OR5AN1: variants seen among roughly 807,000 people sequenced by gnomAD.
The protein encoded by OR5AN1 is olfactory receptor family 5 subfamily AN member 1.
For synonymous variants in OR5AN1, 167 were observed against 131.8 expected, an observed-to-expected ratio of 1.27 and a Z score of -1.83; for missense variants, 476 against 368.9, an observed-to-expected ratio of 1.29 and a Z score of -2.38.
chr11:59,363,664 G>A (rs899878920), intron 1 of OR5AN1, among the ~76,000 whole-genome samples: 18 of 152,224 alleles, frequency 1.2e-4, no homozygotes, highest in Admixed American at 4.6e-4. Context: ...TTTCTAAAGG[G>A]TAAAATAAAA....
rs1857562731 is a variant in OR5AN1, at chr11:59,368,761, G to A, written c.*3367G>A. 6.6e-6 allele frequency: 1 copy of A among 152,248 alleles called. No individual in the cohort carries two copies. Among genetic ancestry groups the A allele is most frequent in the African/African-American group, 2.4e-5 (1 of 41,432 alleles). 9.4% of individuals were successfully genotyped at this position (152,248 alleles called of 1,614,324 possible). ...CTTCCACTGCTGTCTCTAAGCTGGG[G>A]AAGGAACGTAAACACAAAGATCTCC... On this transcript the variant is annotated 3_prime_UTR_variant, in exon 2 of 2. Transcript: ENST00000641998.
In OR5AN1 at chr11:59,366,668, T is replaced by C. The variant is rs946169721; in HGVS notation, c.*1274T>C. 3 of 152,244 alleles carry C rather than the reference T, an allele frequency of 2.0e-5. No homozygotes were observed. Among genetic ancestry groups the C allele is most frequent in the African/African-American group, 7.2e-5 (3 of 41,456 alleles). 9.4% of individuals were successfully genotyped at this position (152,244 alleles called of 1,614,324 possible). ...TCTCATTTGTAAAATTGAGATATTA[T>C]ATATCTATTTTGGAGTTGTTTAGGA... is the stretch of plus-strand genomic sequence containing the variant. On this transcript the variant is annotated 3_prime_UTR_variant, in exon 2 of 2. Coordinates refer to ENST00000641998, the MANE Select transcript of OR5AN1 (RefSeq NM_001004729.2).
At chr11:59,360,297 T>C (rs1414956256) in intron 1 of OR5AN1, among the ~76,000 whole-genome samples, 2 of 152,264 alleles carry the variant, frequency 1.3e-5, no homozygotes, top group Non-Finnish European at 2.9e-5. Context: ...GTTATATTCA[T>C]GTTTGGGGGA....
Position 59,365,162 on chromosome 11 carries a change from G to C in OR5AN1, c.704G>C (p.Arg235Thr). The change falls in exon 2 of 2, where the codon AGG becomes ACG. Residue 235 changes from arginine (R) to threonine (T), a missense_variant. Arg to Thr is a moderately conservative substitution (Grantham distance 71). Transcript: ENST00000641998. Reference protein sequence around the residue: ...SIMKITSAKGRSKAFNTCASH... With the variant: ...SIMKITSAKGTSKAFNTCASH... Reference sequence around the variant, plus strand: ...ATGAAGATCACTTCAGCTAAAGGCAGGTCCAAGGCATTCAACACCTGTGCT... The same window carrying C: ...ATGAAGATCACTTCAGCTAAAGGCACGTCCAAGGCATTCAACACCTGTGCT... 1.2e-6 allele frequency: 2 copies of C among 1,613,994 alleles called. No homozygotes were observed. The highest frequency in any genetic ancestry group is 1.7e-6 in the Non-Finnish European group (2 of 1,179,958).
In OR5AN1 at chr11:59,368,953, A is replaced by G. The variant is rs1429917955; in HGVS notation, c.*3559A>G. On this transcript the variant is annotated 3_prime_UTR_variant, in exon 2 of 2. Transcript: ENST00000641998. ...ACAAGAGTCTTCCAGCTGTCCTGTA[A>G]GCCTAGGTATCACCTACTGAATCAC... is the stretch of plus-strand genomic sequence containing the variant. The G allele has an allele frequency of 6.6e-6, 1 of 152,192 alleles. No individual in the cohort carries two copies. Among genetic ancestry groups the G allele is most frequent in the Non-Finnish European group, 1.5e-5 (1 of 68,050 alleles). 9.4% of individuals were successfully genotyped at this position (152,192 alleles called of 1,614,324 possible).
chr11:59,364,127 A>G (rs927621549), intron 1 of OR5AN1, among the ~76,000 whole-genome samples: 3 of 152,160 alleles, frequency 2.0e-5, no homozygotes, highest in African/African-American at 7.2e-5. Flanking sequence ...TTGAAGAAAA[A>G]CTATTATCTT....
At position 59,364,574 on chromosome 11, in the gene OR5AN1, C is replaced by A. The variant is rs777894055; in HGVS notation, c.116C>A (p.Ser39Tyr). Reference protein sequence around the residue: ...FTIFLVIYITSLAWNLSLIVL... With the variant: ...FTIFLVIYITYLAWNLSLIVL... ...ATATTCCTGGTGATCTACATTACAT[C>A]TCTGGCCTGGAACCTCTCCCTCATT... Residue 39 changes from serine to tyrosine, a missense_variant, in exon 2 of 2, where the codon TCT (serine) becomes TAT (tyrosine). Coordinates refer to ENST00000641998, the MANE Select transcript of OR5AN1 (RefSeq NM_001004729.2). 1.9e-6 allele frequency: 3 copies of A among 1,613,916 alleles called. No individual in the cohort carries two copies. Among genetic ancestry groups the A allele is most frequent in the Non-Finnish European group, 2.5e-6 (3 of 1,179,876 alleles).
At chr11:59,363,256 C>A (rs372132999) in intron 1 of OR5AN1, among the ~76,000 whole-genome samples, 31 of 152,130 alleles carry the variant, frequency 2.0e-4, no homozygotes, top group African/African-American at 7.5e-4. Context: ...TTCCCAGTAA[C>A]CTGGGAAGTT....
At position 59,359,036 on chromosome 11, in the gene OR5AN1, C is replaced by G. The variant is rs1461322595; in HGVS notation, c.-250C>G. On this transcript the variant is annotated 5_prime_UTR_variant, in exon 1 of 2. Coordinates refer to ENST00000641998, the MANE Select transcript of OR5AN1 (RefSeq NM_001004729.2). ...CAAGAACCCTGTCTTCTTGGAGGAC[C>G]TGGGTAAAGGTCACAGGACAAGACT... 1 of 152,152 alleles carries G rather than the reference C, an allele frequency of 6.6e-6. No individual in the cohort carries two copies. The highest frequency in any genetic ancestry group is 2.4e-5 in the African/African-American group (1 of 41,424). The allele number at this position is 152,152 out of a possible 1,614,324, so 9.4% of individuals were successfully genotyped here.
rs80306590 is a variant in OR5AN1, at chr11:59,360,998, T to C, written c.-14+1726T>C. ...TTAAGTAACCAAACGTCTCTACTTA[T>C]AGGTGTGCTCTGTATAGTCAGCTTT... On this transcript the variant is annotated intron_variant, in intron 1 of 1. Coordinates refer to ENST00000641998, the MANE Select transcript of OR5AN1 (RefSeq NM_001004729.2). 1.9e-4 allele frequency among the ~76,000 whole-genome samples: 29 copies of C among 152,356 alleles called. No individual in the cohort carries two copies. In the East Asian group the frequency reaches 5.2e-3, roughly 27 times the overall value.
At chr11:59,361,310 C>T (rs1857459490) in intron 1 of OR5AN1, among the ~76,000 whole-genome samples, 1 of 152,058 alleles carries the variant, frequency 6.6e-6, no homozygotes, top group Non-Finnish European at 1.5e-5. Flanking sequence ...TTTGAGGAGT[C>T]TCGCTCTGTT....
Position 59,363,397 on chromosome 11 carries a change from A to G in OR5AN1, c.-13-1049A>G, listed in dbSNP as rs146761637. On this transcript the variant is annotated intron_variant, in intron 1 of 1. Transcript: ENST00000641998. ...AGTCTGAACCCTTAGCCACATTACT[A>G]TGCTGTTTCCCAGATACTCTAAAAT... 2.0e-4 allele frequency among the ~76,000 whole-genome samples: 30 copies of G among 152,306 alleles called. No individual in the cohort carries two copies. The East Asian group carries it at 5.2e-3, about 26-fold the overall frequency.
At position 59,365,843 on chromosome 11, in the gene OR5AN1, A is replaced by G. The variant is rs1485294834; in HGVS notation, c.*449A>G. ...GCATAATAAAGACATGGTGGTAACC[A>G]TTGTTTATTCTGTGTTTCTGGATGG... On this transcript the variant is annotated 3_prime_UTR_variant, in exon 2 of 2. Coordinates refer to ENST00000641998, the MANE Select transcript of OR5AN1 (RefSeq NM_001004729.2). 6.5e-6 allele frequency: 1 copy of G among 154,232 alleles called. No individual in the cohort carries two copies. The highest frequency in any genetic ancestry group is 1.4e-5 in the Non-Finnish European group (1 of 69,590). The allele number at this position is 154,232 out of a possible 1,614,324, so 9.6% of individuals were successfully genotyped here. A position where few individuals can be genotyped will look rare whatever the true frequency, so the allele number is the denominator to read the frequency against.
In OR5AN1 at chr11:59,366,497, T is replaced by C. The variant is rs1463980241; in HGVS notation, c.*1103T>C. The C allele has an allele frequency of 6.6e-6, 1 of 152,180 alleles. No individual in the cohort carries two copies. Among genetic ancestry groups the C allele is most frequent in the Non-Finnish European group, 1.5e-5 (1 of 68,042 alleles). 9.4% of individuals were successfully genotyped at this position (152,180 alleles called of 1,614,324 possible). ...GTCAGCACTGGATTTTGCAGTTTGT[T>C]ATACAGCAGTAGTTAACCAATATAC... On this transcript the variant is annotated 3_prime_UTR_variant, in exon 2 of 2. Transcript: ENST00000641998.
chr11:59,364,548 T>C lies in OR5AN1; in HGVS notation c.90T>C (p.Thr30=), dbSNP rs1223388407. The C allele has an allele frequency of 6.2e-7, 1 of 1,613,896 alleles. No individual in the cohort carries two copies. The highest frequency in any genetic ancestry group is 8.5e-7 in the Non-Finnish European group (1 of 1,179,820). ...CCAGGATCATAAAAGTGCTCTTCAC[T>C]ATATTCCTGGTGATCTACATTACAT... is the stretch of plus-strand genomic sequence containing the variant. The part of the protein sequence containing the change: ...DFPRIIKVLF[T]IFLVIYITSL... Residue 30 remains threonine (T), a synonymous_variant, in exon 2 of 2, where the codon ACT becomes ACC. Coordinates refer to ENST00000641998, the MANE Select transcript of OR5AN1 (RefSeq NM_001004729.2).
chr11:59,370,571 T>A lies in OR5AN1; in HGVS notation c.*5177T>A, dbSNP rs1410428717. On this transcript the variant is annotated 3_prime_UTR_variant, in exon 2 of 2. Coordinates refer to ENST00000641998, the MANE Select transcript of OR5AN1 (RefSeq NM_001004729.2). Reference sequence around the variant, plus strand: ...TGGAAACTAAAAGTTGATTATGAAATTAATACAGAAAAGAGCAAAGTATAT... The same window carrying A: ...TGGAAACTAAAAGTTGATTATGAAAATAATACAGAAAAGAGCAAAGTATAT... 1 of 152,210 alleles carries A rather than the reference T, an allele frequency of 6.6e-6. No individual in the cohort carries two copies. Among genetic ancestry groups the A allele is most frequent in the Non-Finnish European group, 1.5e-5 (1 of 68,038 alleles). 9.4% of individuals were successfully genotyped at this position (152,210 alleles called of 1,614,324 possible). A position where few individuals can be genotyped will look rare whatever the true frequency, so the allele number is the denominator to read the frequency against.
Position 59,364,899 on chromosome 11 carries a change from G to A in OR5AN1, c.441G>A (p.Leu147=). 6.2e-7 allele frequency: 1 copy of A among 1,614,022 alleles called. No homozygotes were observed. The highest frequency in any genetic ancestry group is 8.5e-7 in the Non-Finnish European group (1 of 1,179,978). The change falls in exon 2 of 2, where the codon CTG becomes CTA. Residue 147 remains leucine (L), a synonymous_variant. Coordinates refer to ENST00000641998, the MANE Select transcript of OR5AN1 (RefSeq NM_001004729.2). ...CCACCCTCTGTGTTTGGATGGTACT[G>A]GGAGCCTACATGACTGGCCTCACTG... ...MSPTLCVWMV[L]GAYMTGLTAS... is the part of the protein sequence containing the mutation.
chr11:59,364,613 T>C lies in OR5AN1; in HGVS notation c.155T>C (p.Met52Thr). 1 of 1,614,100 alleles carries C rather than the reference T, an allele frequency of 6.2e-7. No individual in the cohort carries two copies. Among genetic ancestry groups the C allele is most frequent in the Non-Finnish European group, 8.5e-7 (1 of 1,179,952 alleles). ...CTCTCCCTCATTGTTTTAATAAGGA[T>C]GGATTCCCACCTCCATACACCCATG... is the stretch of plus-strand genomic sequence containing the variant. Reference protein sequence around the residue: ...WNLSLIVLIRMDSHLHTPMYF... With the variant: ...WNLSLIVLIRTDSHLHTPMYF... The change falls in exon 2 of 2, where the codon ATG (methionine) becomes ACG (threonine). Residue 52 changes from methionine to threonine, a missense_variant. Physicochemically the swap from Met to Thr is moderately conservative, Grantham distance 81. Coordinates refer to ENST00000641998, the MANE Select transcript of OR5AN1 (RefSeq NM_001004729.2).
rs1292172286 is a variant in OR5AN1, at chr11:59,366,069, AT to A, written c.*676del. ...CATAAGAAAGAAGGAGGTGATTTTA[AT>A]CATGAAGTGGGATAGAAACAAGGAT... On this transcript the variant is annotated 3_prime_UTR_variant, in exon 2 of 2. Coordinates refer to ENST00000641998, the MANE Select transcript of OR5AN1 (RefSeq NM_001004729.2). 2.0e-5 allele frequency: 3 copies of A among 152,190 alleles called. No individual in the cohort carries two copies. Among genetic ancestry groups the A allele is most frequent in the Admixed American group, 2.0e-4 (3 of 15,274 alleles). The allele number at this position is 152,190 out of a possible 1,614,324, so 9.4% of individuals were successfully genotyped here. A position where few individuals can be genotyped will look rare whatever the true frequency, so the allele number is the denominator to read the frequency against.
Sources: gnomAD v4.1 joint callset for allele counts (sites outside exome capture counted in the v4.1 genomes callset) on GRCh38, gnomAD v4.1.1 for gene constraint, MANE v1.5 for transcripts, NCBI Gene and HGNC (gene_info 2026-07-23, HGNC 2026-07-21) for gene names.